The following ANK3 variants were observed in gnomAD, a reference collection of about 807,000 sequenced individuals.
The protein encoded by ANK3 is ankyrin-3.
In ANK3, 57 loss-of-function variants were observed where a neutral mutation model predicts 370.9. The observed-to-expected ratio is 0.15, with a 90% confidence interval of 0.12 to 0.19. The LOEUF (loss-of-function observed/expected upper bound fraction) is 0.19. ANK3 is among the 10% of genes least tolerant of loss of function. The probability of loss-of-function intolerance (pLI) is 1.00; values close to 1 mark genes in which losing one functional copy is unlikely to be tolerated. For synonymous variants in ANK3, 1,929 were observed against 1,946.3 expected, an observed-to-expected ratio of 0.99 and a Z score of 0.23; for missense variants, 4,439 against 5,302.1, an observed-to-expected ratio of 0.84 and a Z score of 5.06.
In ANK3 at chr10:60,134,311, C is replaced by A; in HGVS notation, c.2801G>T (p.Ser934Ile). ...CACAAGGAGTTCTTCAATCATCATG[C>A]TGTCCCGTGCATAGGAGCTTCTGTT... ...TLNRSSYARDSMMIEELLVPS... is the reference protein window; with the variant it reads ...TLNRSSYARDIMMIEELLVPS... The change falls in exon 25 of 44, where the codon AGC becomes ATC. Residue 934 changes from serine to isoleucine, a missense_variant. Transcript: ENST00000280772. The A allele has an allele frequency of 6.2e-7, 1 of 1,613,948 alleles. No individual in the cohort carries two copies. Among genetic ancestry groups the A allele is most frequent in the Non-Finnish European group, 8.5e-7 (1 of 1,179,926 alleles).
intron 2 of ANK3, among the ~76,000 whole-genome samples, chr10:60,406,249 A>C (rs1410193754): frequency 6.6e-6 from 1 of 152,210 alleles, no homozygotes; most frequent in Non-Finnish European, 1.5e-5. Context: ...ACATGGCTGC[A>C]TTCCAATAAA....
chr10:60,112,478 T>C (rs890328176), intron 26 of ANK3, among the ~76,000 whole-genome samples: 1 of 152,208 alleles, frequency 6.6e-6, no homozygotes, highest in Non-Finnish European at 1.5e-5. Context: ...AGAAATGCAA[T>C]GTTACTAACT....
intron 1 of ANK3, among the ~76,000 whole-genome samples, chr10:60,340,940 A>C (rs2054147394): frequency 6.6e-6 from 1 of 152,170 alleles, no homozygotes; most frequent in Non-Finnish European, 1.5e-5. Flanking sequence ...GGAGATTAAA[A>C]AACTTGCCCA....
At chr10:60,662,569 T>TA (rs1265988971) in intron 1 of ANK3, among the ~76,000 whole-genome samples, 1 of 152,212 alleles carries the variant, frequency 6.6e-6, no homozygotes, top group African/African-American at 2.4e-5. Flanking sequence ...TCTGTCACTT[T>TA]ATAACATGTA....
chr10:60,643,815 A>C lies in ANK3; in HGVS notation c.58-28591T>G, dbSNP rs145217496. Among the ~76,000 whole-genome samples the C allele has an allele frequency of 2.7e-3, 407 of 152,276 alleles. 2 individuals are homozygous for C. The highest frequency in any genetic ancestry group is 9.3e-3 in the African/African-American group (385 of 41,562). On this transcript the variant is annotated intron_variant, in intron 1 of 43. Coordinates refer to the ANK3 transcript ENST00000373827. Reference sequence around the variant, plus strand: ...TGTATGGATACTGGAAGACATGTTTATCTGAGGGACTTGTAACCCAGGACC... The same window carrying C: ...TGTATGGATACTGGAAGACATGTTTCTCTGAGGGACTTGTAACCCAGGACC...
chr10:60,337,800 T>A (rs2053356608), intron 1 of ANK3, among the ~76,000 whole-genome samples: 1 of 152,210 alleles, frequency 6.6e-6, no homozygotes, highest in Admixed American at 6.5e-5. Flanking sequence ...TAACAAGTAA[T>A]TCTTATTACT....
chr10:60,348,661 G>T (rs4948405), intron 1 of ANK3, among the ~76,000 whole-genome samples: 106,171 of 152,058 alleles, frequency 0.7, 38,334 homozygotes, highest in South Asian at 0.92. Flanking sequence ...ATTTGGTAGC[G>T]GCTAACAGCA....
chr10:60,179,180 A>C (rs2096069087), intron 18 of ANK3, among the ~76,000 whole-genome samples: 2 of 152,362 alleles, frequency 1.3e-5, no homozygotes, highest in South Asian at 4.1e-4. Context: ...AAAATTAAGC[A>C]GCAAATGCAA....
intron 8 of ANK3, among the ~76,000 whole-genome samples, chr10:60,222,666 C>G (rs1347076829): frequency 6.6e-6 from 1 of 152,166 alleles, no homozygotes; most frequent in African/African-American, 2.4e-5. Flanking sequence ...TCAAAGTCGT[C>G]TAAAATCAGT....
intron 12 of ANK3, among the ~76,000 whole-genome samples, chr10:60,201,136 C>G (rs2096667228): frequency 6.6e-6 from 1 of 152,222 alleles, no homozygotes; most frequent in Non-Finnish European, 1.5e-5. Context: ...ACAGATTCCA[C>G]AGGAAACTGG....
intron 1 of ANK3, among the ~76,000 whole-genome samples, chr10:60,356,988 C>T (rs1166072331): frequency 3.3e-5 from 5 of 152,210 alleles, no homozygotes; most frequent in South Asian, 4.1e-4. Context: ...GGATTACCGG[C>T]GTGAGCCACC....
intron 1 of ANK3, among the ~76,000 whole-genome samples, chr10:60,286,018 A>AT (rs1202102064): frequency 6.6e-6 from 1 of 151,920 alleles, no homozygotes; most frequent in Non-Finnish European, 1.5e-5. Context: ...GTTCTTTCTC[A>AT]TTTTTTAAAA....
chr10:60,706,529 A>C (rs1160830890), intron 1 of ANK3, among the ~76,000 whole-genome samples: 2 of 150,928 alleles, frequency 1.3e-5, no homozygotes, highest in African/African-American at 4.9e-5. Flanking sequence ...GAATGCTCCT[A>C]ACCAAAAAAA....
Position 60,028,912 on chromosome 10 carries a change from A to C in ANK3, c.*934T>G, listed in dbSNP as rs1167164208. ...ATTGAAAAATTGGCAATAGCAACAA[A>C]TATTAGATGAAGGGCTTTGTGTTTA... On this transcript the variant is annotated 3_prime_UTR_variant, in exon 44 of 44. Transcript: ENST00000280772. 1.3e-5 allele frequency: 2 copies of C among 152,508 alleles called. No individual in the cohort carries two copies. The highest frequency in any genetic ancestry group is 2.9e-5 in the Non-Finnish European group (2 of 68,026). 9.4% of individuals were successfully genotyped at this position (152,508 alleles called of 1,614,324 possible). A position where few individuals can be genotyped will look rare whatever the true frequency, so the allele number is the denominator to read the frequency against.
At chr10:60,092,893 G>A (rs997477857) in intron 28 of ANK3, among the ~76,000 whole-genome samples, 14 of 152,050 alleles carry the variant, frequency 9.2e-5, no homozygotes, top group African/African-American at 2.9e-4. Flanking sequence ...GTGCCACCAC[G>A]CCCAGCTAAT....
At chr10:60,496,535 G>A (rs2075660365) in intron 2 of ANK3, among the ~76,000 whole-genome samples, 1 of 150,970 alleles carries the variant, frequency 6.6e-6, no homozygotes, top group African/African-American at 2.4e-5. Context: ...TTCGTCTCTG[G>A]GGGAATTTAA....
intron 1 of ANK3, among the ~76,000 whole-genome samples, chr10:60,337,704 C>A (rs2053335436): frequency 6.6e-6 from 1 of 152,126 alleles, no homozygotes; most frequent in South Asian, 2.1e-4. Flanking sequence ...ATTAAGCCCC[C>A]TAATATATGT....
Position 60,072,481 on chromosome 10 carries a change from A to C in ANK3, c.8400T>G (p.Val2800=), listed in dbSNP as rs1430197434. ...CATTATCAGAGCCAGAATCATTTAC[A>C]ACAATTTCGTTGCTTTGGGCATGCT... is the stretch of plus-strand genomic sequence containing the variant. ...KDEHAQSNEI[V]VNDSGSDNVK... is the part of the protein sequence containing the mutation. Residue 2800 remains valine (V), a synonymous_variant, in exon 37 of 44, where the codon GTT becomes GTG. Transcript: ENST00000280772. 6.2e-7 allele frequency: 1 copy of C among 1,613,922 alleles called. No individual in the cohort carries two copies. The highest frequency in any genetic ancestry group is 1.3e-5 in the African/African-American group (1 of 74,932).
At chr10:60,146,296 T>C (rs2094820205) in intron 23 of ANK3, among the ~76,000 whole-genome samples, 1 of 152,198 alleles carries the variant, frequency 6.6e-6, no homozygotes, top group South Asian at 2.1e-4. Context: ...AGATGCACGC[T>C]ATTAATGTGG....
Sources: gnomAD v4.1 joint callset for allele counts (sites outside exome capture counted in the v4.1 genomes callset) on GRCh38, gnomAD v4.1.1 for gene constraint, MANE v1.5 for transcripts, NCBI Gene and HGNC (gene_info 2026-07-23, HGNC 2026-07-21) for gene names.